Variants in HSF1 observed in about 807,000 individuals in gnomAD.
HSF1 encodes heat shock factor protein 1.
HSF1 carries 32 observed loss-of-function variants against 51.7 expected under a neutral mutation model. The observed-to-expected ratio is 0.62, with a 90% CI of 0.47 to 0.83. The LOEUF (loss-of-function observed/expected upper bound fraction) is 0.83, where lower values mean the gene tolerates loss of function less well. Ranked by LOEUF, HSF1 falls within the 40% of genes least tolerant of loss-of-function variation. The pLI, the probability that HSF1 is intolerant of heterozygous loss-of-function variation, is 0.00. For synonymous variants in HSF1, 396 were observed against 309.7 expected (o/e 1.28, Z -2.92); for missense variants, 727 against 717.0 (o/e 1.01, Z -0.16).
At position 144,309,609 on chromosome 8, in the gene HSF1, A is replaced by G; in HGVS notation, c.363+18A>G. 1 of 1,611,116 alleles carries G rather than the reference A, an allele frequency of 6.2e-7. No individual in the cohort carries two copies. Among genetic ancestry groups the G allele is most frequent in the Non-Finnish European group, 8.5e-7 (1 of 1,178,952 alleles). ...TGACCAGTGTGAGTGCCGGCCCTGC[A>G]CCCTTGCCCGGTCTCACCTGCCACA... On this transcript the variant is annotated intron_variant, in intron 3 of 12. Coordinates refer to ENST00000528838, the MANE Select transcript of HSF1 (RefSeq NM_005526.4).
At chr8:144,292,410 A>G (rs1424870229) in intron 1 of HSF1, 1 of 152,304 alleles carries the variant, frequency 6.6e-6, no homozygotes, top group Non-Finnish European at 1.5e-5. Flanking sequence ...CCGAATCCCA[A>G]ATCTGGGTTT....
chr8:144,294,232 G>A (rs1384410099), intron 1 of HSF1, among the ~76,000 whole-genome samples: 1 of 152,166 alleles, frequency 6.6e-6, no homozygotes, highest in East Asian at 1.9e-4. Context: ...GCTTTCCGGC[G>A]CTGGCTGCCT....
chr8:144,311,005 C>T (rs375243343), intron 4 of HSF1, 169 bp from the exon 5 acceptor site: 21 of 643,150 alleles, frequency 3.3e-5, no homozygotes, highest in African/African-American at 3.1e-4. Flanking sequence ...AAGCCCTGGC[C>T]CTGGCCCCCA....
At chr8:144,306,919 G>C (rs1554843411) in intron 1 of HSF1, among the ~76,000 whole-genome samples, 1 of 148,956 alleles carries the variant, frequency 6.7e-6, no homozygotes, top group African/African-American at 2.4e-5. Flanking sequence ...TCCGGGGGCT[G>C]TGTGTGTGTG....
At chr8:144,308,267 C>T (rs189722046) in intron 1 of HSF1, among the ~76,000 whole-genome samples, 132 of 152,344 alleles carry the variant, frequency 8.7e-4, no homozygotes, top group African/African-American at 2.7e-3. Context: ...TGAGCCACCG[C>T]GGCCACGGCC....
In HSF1 at chr8:144,313,945, G is replaced by C. The variant is rs375758072; in HGVS notation, c.1314+34G>C. ...GCGGGCGGGGGGTGAGGGGGAACGA[G>C]ACCAGCGGGAGTGCTCACAATACCG... is the stretch of plus-strand genomic sequence containing the variant. On this transcript the variant is annotated intron_variant, in intron 11 of 12. Coordinates refer to ENST00000528838, the MANE Select transcript of HSF1 (RefSeq NM_005526.4). 825 of 1,610,614 alleles carry C rather than the reference G, an allele frequency of 5.1e-4. 2 individuals carry two copies. The highest frequency in any genetic ancestry group is 5.9e-4 in the Non-Finnish European group (700 of 1,179,300).
chr8:144,307,440 T>G (rs1554843488), intron 1 of HSF1, among the ~76,000 whole-genome samples: 1 of 152,148 alleles, frequency 6.6e-6, no homozygotes, highest in Admixed American at 6.5e-5. Context: ...ATAGGGCATG[T>G]AAAATGCCAC....
At chr8:144,293,787 C>G (rs1178609339) in intron 1 of HSF1, among the ~76,000 whole-genome samples, 1 of 150,720 alleles carries the variant, frequency 6.6e-6, no homozygotes, top group Non-Finnish European at 1.5e-5. Flanking sequence ...AGGGGAATAA[C>G]TCCCCCATTG....
intron 1 of HSF1, among the ~76,000 whole-genome samples, chr8:144,302,027 G>T (rs1375470345): frequency 6.6e-6 from 1 of 151,666 alleles, no homozygotes; most frequent in Non-Finnish European, 1.5e-5. Context: ...CTAGCTGGGC[G>T]TGGTGGCAGG....
intron 4 of HSF1, 26 bp from the exon 5 acceptor site, chr8:144,311,148 C>G (rs1463853961): frequency 6.3e-7 from 1 of 1,575,810 alleles, no homozygotes; most frequent in Non-Finnish European, 8.6e-7. Context: ...GATTGGGCCC[C>G]ACTGACCCAG....
Position 144,312,090 on chromosome 8 carries a change from C to T in HSF1, c.988C>T (p.Leu330Phe). 1.2e-6 allele frequency: 2 copies of T among 1,612,542 alleles called. No homozygotes were observed. The highest frequency in any genetic ancestry group is 1.7e-6 in the Non-Finnish European group (2 of 1,179,842). The change falls in exon 9 of 13, where the codon CTC becomes TTC. Residue 330 changes from leucine to phenylalanine, a missense_variant. Leu to Phe is a conservative substitution (Grantham distance 22, BLOSUM62 0). Transcript: ENST00000528838. ...GGACACCCTCTTGTCCCCGACCGCC[C>T]TCATTGACTCCATCCTGCGGGAGAG... ...SVDTLLSPTA[L>F]IDSILRESEP...
chr8:144,298,609 A>AC (rs1279593391), intron 1 of HSF1, among the ~76,000 whole-genome samples: 1 of 144,028 alleles, frequency 6.9e-6, no homozygotes, highest in Non-Finnish European at 1.5e-5. Flanking sequence ...AAAAAAAAAA[A>AC]AAGAAAGAAA....
rs782557719 is a variant in HSF1 at position 144,309,781 on chromosome 8, C to T, written c.373C>T (p.Leu125=). 8.7e-6 allele frequency: 14 copies of T among 1,613,766 alleles called. No individual in the cohort carries two copies. Among genetic ancestry groups the T allele is most frequent in the Non-Finnish European group, 1.1e-5 (13 of 1,179,980 alleles). The part of the protein sequence containing the change: ...IKRKVTSVST[L]KSEDIKIRQD... ...CCTCTCGGGAATCCAGGTGTCCACC[C>T]TGAAGAGTGAAGACATAAAGATCCG... Residue 125 remains leucine (L), a synonymous_variant, in exon 4 of 13, where the codon CTG becomes TTG. Coordinates refer to ENST00000528838, the MANE Select transcript of HSF1 (RefSeq NM_005526.4).
At position 144,291,686 on chromosome 8, in the gene HSF1, G is replaced by A; in HGVS notation, c.-72G>A. 1.1e-6 allele frequency: 1 copy of A among 883,072 alleles called. No homozygotes were observed. The highest frequency in any genetic ancestry group is 1.6e-6 in the Non-Finnish European group (1 of 613,276). The allele number at this position is 883,072 out of a possible 1,614,324, so 54.7% of individuals were successfully genotyped here. ...GCGGCGCGGCCCGGAAGGCTGGCGC[G>A]GCGACGGCGTTAGCCCGGCCCTCGG... On this transcript the variant is annotated 5_prime_UTR_variant, in exon 1 of 13. Transcript: ENST00000528838. The surrounding 1 kb of genome is among the most constrained non-coding windows in gnomAD (Gnocchi z 4.1).
At chr8:144,308,569 A>G (rs1326798075) in intron 1 of HSF1, among the ~76,000 whole-genome samples, 3 of 150,808 alleles carry the variant, frequency 2.0e-5, no homozygotes, top group Non-Finnish European at 2.9e-5. Flanking sequence ...AAATGTGGCC[A>G]GAGTGCGGCG....
chr8:144,304,983 T>C (rs1375413849), intron 1 of HSF1, among the ~76,000 whole-genome samples: 3 of 151,040 alleles, frequency 2.0e-5, no homozygotes, highest in Admixed American at 2.0e-4. Flanking sequence ...AGTCTCACTC[T>C]GTCCCCCAGG....
At chr8:144,301,161 G>A (rs926742494) in intron 1 of HSF1, among the ~76,000 whole-genome samples, 15 of 152,292 alleles carry the variant, frequency 9.8e-5, no homozygotes, top group Non-Finnish European at 1.5e-4. Flanking sequence ...GCTCCTGCCC[G>A]AAATCCCAGC....
chr8:144,298,813 G>A (rs1165397916), intron 1 of HSF1, among the ~76,000 whole-genome samples: 1 of 152,210 alleles, frequency 6.6e-6, no homozygotes, highest in Non-Finnish European at 1.5e-5. Flanking sequence ...CAATCTGCGC[G>A]TGAGCCCGCT....
rs1373409890 is a variant in HSF1 at position 144,297,565 on chromosome 8, T to G, written c.117+5691T>G. On this transcript the variant is annotated intron_variant, in intron 1 of 12. Transcript: ENST00000528838. This position sits in a 1 kb window ranked among gnomAD's most constrained non-coding sequence, Gnocchi z 4.6. Reference sequence around the variant, plus strand: ...GAACGGGGCCACAAAGTGAGCCACTTTGTCTGCACCTGCTCGCGCTTCCTG... The same window carrying G: ...GAACGGGGCCACAAAGTGAGCCACTGTGTCTGCACCTGCTCGCGCTTCCTG... Among the ~76,000 whole-genome samples, 1 of 152,114 alleles carries G rather than the reference T, an allele frequency of 6.6e-6. No individual in the cohort carries two copies. Among genetic ancestry groups the G allele is most frequent in the Non-Finnish European group, 1.5e-5 (1 of 68,006 alleles).
Sources: gnomAD v4.1 joint callset for allele counts (sites outside exome capture counted in the v4.1 genomes callset) on GRCh38, gnomAD v4.1.1 for gene constraint, Gnocchi (gnomAD v3.1) non-coding constraint, MANE v1.5 for transcripts, NCBI Gene and HGNC (gene_info 2026-07-23, HGNC 2026-07-21) for gene names.